Variants in GRIN2B observed in about 807,000 individuals in gnomAD.
GRIN2B encodes glutamate receptor ionotropic, NMDA 2B.
A neutral mutation model predicts 114.5 loss-of-function variants in GRIN2B; 5 were observed. The observed-to-expected ratio is 0.04, with a 90% CI of 0.02 to 0.09. The LOEUF is 0.09. GRIN2B is among the 10% of genes least tolerant of loss of function. GRIN2B has a pLI of 1.00. For synonymous variants in GRIN2B, 787 were observed against 745.1 expected (o/e 1.06, Z -0.92); for missense variants, 1,108 against 1,943.5 (o/e 0.57, Z 8.08).
At chr12:13,706,838 C>T (rs1256729438) in intron 4 of GRIN2B, among the ~76,000 whole-genome samples, 1 of 152,090 alleles carries the variant, frequency 6.6e-6, no homozygotes, top group Non-Finnish European at 1.5e-5. Context: ...AAGGCATCTT[C>T]CCAGGCCCAG....
intron 5 of GRIN2B, among the ~76,000 whole-genome samples, chr12:13,648,542 C>G (rs146415070): frequency 6.6e-6 from 1 of 151,874 alleles, no homozygotes; most frequent in African/African-American, 2.4e-5. Flanking sequence ...ATAAGAAGTC[C>G]TAGGATTTAA....
At chr12:13,613,189 CTAAT>C (rs1949387638) in intron 8 of GRIN2B, among the ~76,000 whole-genome samples, 1 of 152,170 alleles carries the variant, frequency 6.6e-6, no homozygotes, top group Non-Finnish European at 1.5e-5. Context: ...ACACTTGACT[CTAAT>C]TGATTGCAAT....
At chr12:13,634,261 A>C (rs1473095469) in intron 5 of GRIN2B, 2 of 152,256 alleles carry the variant, frequency 1.3e-5, no homozygotes, top group African/African-American at 4.8e-5. Context: ...AACTGAGGAA[A>C]GAGAAATACA....
In GRIN2B at chr12:13,556,213, G is replaced by A. The variant is rs574840397; in HGVS notation, c.*6570C>T. On this transcript the variant is annotated 3_prime_UTR_variant, in exon 14 of 14. Transcript: ENST00000609686. ...TCCAGGCCTGGCCATGACATGGGAAGCTGAATCTCTGCAATGTTTTTTCAA... is the reference window on the plus strand; with the variant it reads ...TCCAGGCCTGGCCATGACATGGGAAACTGAATCTCTGCAATGTTTTTTCAA... 1 of 152,256 alleles carries A rather than the reference G, an allele frequency of 6.6e-6. No homozygotes were observed. The highest frequency in any genetic ancestry group is 1.5e-5 in the Non-Finnish European group (1 of 68,000). The allele number at this position is 152,256 out of a possible 1,614,324, so 9.4% of individuals were successfully genotyped here. A position where few individuals can be genotyped will look rare whatever the true frequency, so the allele number is the denominator to read the frequency against.
At chr12:13,669,062 G>A (rs889834796) in intron 5 of GRIN2B, among the ~76,000 whole-genome samples, 1 of 151,666 alleles carries the variant, frequency 6.6e-6, no homozygotes, top group Middle Eastern at 3.2e-3. Context: ...TTTAGTTCAC[G>A]CATTGTTGCT....
intron 3 of GRIN2B, among the ~76,000 whole-genome samples, chr12:13,764,289 G>A (rs1863736128): frequency 6.6e-6 from 1 of 151,840 alleles, no homozygotes; most frequent in Non-Finnish European, 1.5e-5. Flanking sequence ...CATCCCCTCT[G>A]ACTTACCAGT....
rs571943869 is a variant in GRIN2B, at chr12:13,956,172, A to G, written c.-19+23756T>C. ...AAAGCCAAAGAAATGTGTCAAGGGC[A>G]CTAAGTGTGTCAAGTGTGCACTAAG... On this transcript the variant is annotated intron_variant, in intron 2 of 13. Coordinates refer to ENST00000609686, the MANE Select transcript of GRIN2B (RefSeq NM_000834.5). Among the ~76,000 whole-genome samples the G allele has an allele frequency of 7.9e-5, 12 of 152,306 alleles. No individual in the cohort carries two copies. The South Asian group carries it at 1.2e-3, about 16-fold the overall frequency.
rs1948240276 is a variant in GRIN2B at position 13,538,734 on chromosome 12, G to A, written c.*24049C>T. 2 of 151,918 alleles carry A rather than the reference G, an allele frequency of 1.3e-5. No homozygotes were observed. Among genetic ancestry groups the A allele is most frequent in the African/African-American group, 2.4e-5 (1 of 41,298 alleles). 9.4% of individuals were successfully genotyped at this position (151,918 alleles called of 1,614,324 possible). A position where few individuals can be genotyped will look rare whatever the true frequency, so the allele number is the denominator to read the frequency against. On this transcript the variant is annotated 3_prime_UTR_variant, in exon 14 of 14. Transcript: ENST00000609686. ...GGAGGCGGAGGTGGTAGAATCACTT[G>A]AGCCTGGGAGGTCAAGGCTGCAGTG...
chr12:13,780,059 TTCTC>T (rs1864078550), intron 3 of GRIN2B, among the ~76,000 whole-genome samples: 1 of 152,178 alleles, frequency 6.6e-6, no homozygotes, highest in Non-Finnish European at 1.5e-5. Flanking sequence ...ATCAGGAAAA[TTCTC>T]TCTCCAGAAA....
chr12:13,969,218 G>A (rs1221931116), intron 2 of GRIN2B, among the ~76,000 whole-genome samples: 1 of 152,226 alleles, frequency 6.6e-6, no homozygotes, highest in Non-Finnish European at 1.5e-5. Flanking sequence ...TTTACCAACA[G>A]CAAAGCCCCA....
chr12:13,889,766 G>A (rs182485902), intron 2 of GRIN2B, among the ~76,000 whole-genome samples: 1 of 152,208 alleles, frequency 6.6e-6, no homozygotes, highest in African/African-American at 2.4e-5. Context: ...GGCAAAATTG[G>A]CATACACCTG....
intron 10 of GRIN2B, among the ~76,000 whole-genome samples, chr12:13,576,553 CT>C (rs200101766): frequency 0.06 from 8,134 of 135,196 alleles, 283 homozygotes; most frequent in East Asian, 0.24. Flanking sequence ...TTTCTTTTTT[CT>C]TTTTTTTTTT....
intron 2 of GRIN2B, among the ~76,000 whole-genome samples, chr12:13,880,689 G>A (rs964648187): frequency 7.2e-5 from 11 of 152,236 alleles, no homozygotes; most frequent in South Asian, 2.1e-4. Flanking sequence ...TCAATGAAGC[G>A]TTTTCAATTG....
At chr12:13,680,259 G>A (rs564741174) in intron 4 of GRIN2B, among the ~76,000 whole-genome samples, 5 of 152,142 alleles carry the variant, frequency 3.3e-5, no homozygotes, top group East Asian at 3.9e-4. Context: ...ACCTCGAAAC[G>A]TTCATGTGTG....
intron 4 of GRIN2B, among the ~76,000 whole-genome samples, chr12:13,746,842 T>C (rs1863393407): frequency 6.6e-6 from 1 of 152,220 alleles, no homozygotes; most frequent in African/African-American, 2.4e-5. Flanking sequence ...CTCACTCTCC[T>C]GCTTTCTCTC....
intron 2 of GRIN2B, among the ~76,000 whole-genome samples, chr12:13,916,737 T>TTGTGTGTGTG (rs57501769): frequency 0.1 from 14,473 of 139,718 alleles, 867 homozygotes; most frequent in Middle Eastern, 0.18. Flanking sequence ...ACACACACAT[T>TTGTGTGTGTG]TGTGTGTGTG....
intron 5 of GRIN2B, among the ~76,000 whole-genome samples, chr12:13,661,969 T>C (rs1233769771): frequency 6.6e-6 from 1 of 152,180 alleles, no homozygotes; most frequent in African/African-American, 2.4e-5. Context: ...TCCCATGTTG[T>C]GTCACATTCG....
intron 5 of GRIN2B, among the ~76,000 whole-genome samples, chr12:13,646,909 A>T (rs1239286572): frequency 6.6e-6 from 1 of 152,092 alleles, no homozygotes; most frequent in Non-Finnish European, 1.5e-5. Context: ...TCAACTACCT[A>T]TGAAGAGGGT....
intron 4 of GRIN2B, among the ~76,000 whole-genome samples, chr12:13,677,957 A>G (rs538365678): frequency 6.6e-6 from 1 of 152,278 alleles, no homozygotes; most frequent in African/African-American, 2.4e-5. Flanking sequence ...AGGAGGTTAA[A>G]TTATTTTCCA....
Sources: allele counts gnomAD v4.1 joint callset (sites outside exome capture counted in the v4.1 genomes callset), GRCh38; gene constraint gnomAD v4.1.1; transcripts MANE v1.5; gene names NCBI Gene and HGNC (gene_info 2026-07-23, HGNC 2026-07-21).